EPB41L4A: variants seen among roughly 807,000 people sequenced by gnomAD.
EPB41L4A encodes the protein band 4.1-like protein 4A.
In EPB41L4A, 100 loss-of-function variants were observed where a neutral mutation model predicts 108.6. That is an observed-to-expected ratio of 0.92 (90% CI 0.78 to 1.09). The LOEUF is 1.09. Among genes scored for constraint, EPB41L4A ranks in the 50% least tolerant of loss-of-function variants. EPB41L4A has a pLI of 0.00. For synonymous variants in EPB41L4A, 319 were observed against 289.0 expected (o/e 1.10, Z -1.05); for missense variants, 1,030 against 842.7 (o/e 1.22, Z -2.75).
chr5:112,405,175 G>C (rs1340547696), intron 1 of EPB41L4A, among the ~76,000 whole-genome samples: 3 of 152,164 alleles, frequency 2.0e-5, no homozygotes, highest in African/African-American at 7.2e-5. Flanking sequence ...TCCATGGAGG[G>C]AGGTCAGCTG....
chr5:112,392,856 C>T (rs1457570344), intron 1 of EPB41L4A: 1 of 152,176 alleles, frequency 6.6e-6, no homozygotes, highest in Non-Finnish European at 1.5e-5. Context: ...CACTCCTCAG[C>T]AAATGTAAAA....
chr5:112,168,573 CTT>C (rs953064855), intron 22 of EPB41L4A, among the ~76,000 whole-genome samples, 164 bp downstream of exon 22: 6 of 152,178 alleles, frequency 3.9e-5, no homozygotes, highest in Non-Finnish European at 5.9e-5. Context: ...TGATCATGCA[CTT>C]TTCCTTCCAT....
intron 12 of EPB41L4A, among the ~76,000 whole-genome samples, chr5:112,227,379 T>G (rs1020460209): frequency 1.3e-5 from 2 of 152,152 alleles, no homozygotes; most frequent in Non-Finnish European, 2.9e-5. Context: ...TGGTCCACAC[T>G]GTGAATAGAA....
At chr5:112,308,701 G>T (rs888901224) in intron 1 of EPB41L4A, among the ~76,000 whole-genome samples, 5 of 152,136 alleles carry the variant, frequency 3.3e-5, no homozygotes, top group African/African-American at 1.2e-4. Flanking sequence ...ATGTCTCTGT[G>T]CTCATGTACC....
intron 12 of EPB41L4A, among the ~76,000 whole-genome samples, chr5:112,214,876 C>G (rs542286579): frequency 6.6e-6 from 1 of 152,236 alleles, no homozygotes; most frequent in East Asian, 1.9e-4. Flanking sequence ...CAGTTGCTTT[C>G]TGCCTAAAAT....
chr5:112,193,372 G>A (rs1016244766), intron 17 of EPB41L4A, among the ~76,000 whole-genome samples: 14 of 152,064 alleles, frequency 9.2e-5, no homozygotes, highest in Non-Finnish European at 2.1e-4. Context: ...CACAGTCTCG[G>A]CTCACTGCAA....
rs540762605 is a variant in EPB41L4A at position 112,254,073 on chromosome 5, G to A, written c.795+5156C>T. On this transcript the variant is annotated intron_variant, in intron 9 of 22. Transcript: ENST00000261486. Reference sequence around the variant, plus strand: ...CTTTTGGTTCTACATCCTGTCACACGGGGTAACTTTAGCTGAGGTTAGTTT... The same window carrying A: ...CTTTTGGTTCTACATCCTGTCACACAGGGTAACTTTAGCTGAGGTTAGTTT... 1.9e-4 allele frequency among the ~76,000 whole-genome samples: 29 copies of A among 152,226 alleles called. No individual in the cohort carries two copies. The South Asian group carries it at 4.4e-3, about 23-fold the overall frequency.
intron 12 of EPB41L4A, among the ~76,000 whole-genome samples, chr5:112,147,312 C>T (rs1202829327): frequency 1.3e-5 from 2 of 152,174 alleles, no homozygotes; most frequent in Non-Finnish European, 2.9e-5. Flanking sequence ...TATTTAATCA[C>T]ATCATTTTTA....
intron 15 of EPB41L4A, among the ~76,000 whole-genome samples, chr5:112,201,404 G>C (rs77343759): frequency 0.032 from 4,946 of 152,254 alleles, 303 homozygotes; most frequent in African/African-American, 0.11. Context: ...CAGTGTAGAA[G>C]TCAAGTCTGG....
intron 2 of EPB41L4A, among the ~76,000 whole-genome samples, chr5:112,293,410 G>A (rs1455857982): frequency 7.1e-6 from 1 of 141,804 alleles, no homozygotes; most frequent in African/African-American, 2.8e-5. Flanking sequence ...GGCATTGGGT[G>A]CCATTAACAA....
chr5:112,359,176 T>C (rs959079562), intron 1 of EPB41L4A, among the ~76,000 whole-genome samples: 1 of 152,232 alleles, frequency 6.6e-6, no homozygotes, highest in Non-Finnish European at 1.5e-5. Context: ...ATACTTTATA[T>C]TCTACTTCAA....
chr5:112,275,529 TA>T, intron 3 of EPB41L4A, 125 bp from the exon 4 acceptor site: 3 of 1,187,952 alleles, frequency 2.5e-6, no homozygotes, highest in Non-Finnish European at 3.4e-6. Context: ...AAACATAAGA[TA>T]AAAACAGCAA....
chr5:112,291,095 T>C (rs1753609921), intron 2 of EPB41L4A, among the ~76,000 whole-genome samples: 1 of 152,174 alleles, frequency 6.6e-6, no homozygotes, highest in Non-Finnish European at 1.5e-5. Flanking sequence ...AAACCCAACA[T>C]ATGCAAATCA....
At chr5:112,332,904 C>A (rs747876768) in intron 1 of EPB41L4A, among the ~76,000 whole-genome samples, 5 of 152,178 alleles carry the variant, frequency 3.3e-5, no homozygotes, top group Non-Finnish European at 5.9e-5. Context: ...ACACAACATA[C>A]CATCAAGACA....
chr5:112,213,533 G>A (rs911996391), intron 12 of EPB41L4A, among the ~76,000 whole-genome samples: 1 of 152,084 alleles, frequency 6.6e-6, no homozygotes, highest in African/African-American at 2.4e-5. Context: ...ATTTTTAGTA[G>A]AGATGGGGTT....
At chr5:112,381,013 T>A (rs1356821750) in intron 1 of EPB41L4A, among the ~76,000 whole-genome samples, 4 of 152,196 alleles carry the variant, frequency 2.6e-5, no homozygotes, top group African/African-American at 7.2e-5. Context: ...AATTCAAAAA[T>A]TTTTAATTTC....
Position 112,393,701 on chromosome 5 carries a change from A to G in EPB41L4A, c.99+25240T>C, listed in dbSNP as rs559822412. Among the ~76,000 whole-genome samples the G allele has an allele frequency of 6.6e-5, 10 of 152,350 alleles. No homozygotes were observed. In the South Asian group the frequency reaches 1.0e-3, roughly 16 times the overall value. On this transcript the variant is annotated intron_variant, in intron 1 of 22. Transcript: ENST00000261486. Reference sequence around the variant, plus strand: ...TACCATTCCTTCTGAAACTATTCCAATCAATAGAAAAAGAGGGATTCCTCC... The same window carrying G: ...TACCATTCCTTCTGAAACTATTCCAGTCAATAGAAAAAGAGGGATTCCTCC...
intron 12 of EPB41L4A, among the ~76,000 whole-genome samples, chr5:112,211,341 T>C (rs996439297): frequency 2.0e-5 from 3 of 152,164 alleles, no homozygotes; most frequent in Non-Finnish European, 4.4e-5. Flanking sequence ...CCCAGCACTT[T>C]GGGAAGCCGA....
intron 2 of EPB41L4A, among the ~76,000 whole-genome samples, chr5:112,302,298 G>A (rs895706792): frequency 6.6e-6 from 1 of 152,062 alleles, no homozygotes; most frequent in Non-Finnish European, 1.5e-5. Flanking sequence ...TAGAGCTCAG[G>A]AGTTTGAAAC....
Sources: gnomAD v4.1 joint callset for allele counts (sites outside exome capture counted in the v4.1 genomes callset) on GRCh38, gnomAD v4.1.1 for gene constraint, MANE v1.5 for transcripts, NCBI Gene and HGNC (gene_info 2026-07-23, HGNC 2026-07-21) for gene names.